SNTG2: variants seen among roughly 807,000 people sequenced by gnomAD.
The protein encoded by SNTG2 is syntrophin gamma 2, also known as gamma-2-syntrophin.
SNTG2 carries 74 observed loss-of-function variants against 70.9 expected under a neutral mutation model. The ratio of observed to expected loss-of-function variants is 1.04; its 90% CI spans 0.86 to 1.27. SNTG2 has a LOEUF of 1.27. SNTG2 is among the 50% of genes most tolerant of loss of function. The pLI, the probability that SNTG2 is intolerant of heterozygous loss-of-function variation, is 0.00. For missense variants in SNTG2, 717 were observed against 690.7 expected (o/e 1.04, Z -0.43); for synonymous variants, 278 against 273.8 (o/e 1.02, Z -0.15).
rs186486869 is a variant in SNTG2 at position 1,199,732 on chromosome 2, C to T, written c.592-9371C>T. Among the ~76,000 whole-genome samples the T allele has an allele frequency of 6.6e-3, 1,003 of 151,938 alleles. 8 individuals are homozygous for T. The highest frequency in any genetic ancestry group is 0.022 in the South Asian group (108 of 4,808). The stretch of plus-strand genomic sequence containing the variant: ...AGTATTTCTCAATACCAATAACAAA[C>T]CAGCTGAAAAATAAATCAAGACACC... On this transcript the variant is annotated intron_variant, in intron 8 of 16. Coordinates refer to ENST00000308624, the MANE Select transcript of SNTG2 (RefSeq NM_018968.4).
intron 1 of SNTG2, among the ~76,000 whole-genome samples, chr2:1,001,732 T>C (rs1396915864): frequency 1.3e-5 from 2 of 151,876 alleles, no homozygotes; most frequent in African/African-American, 4.8e-5. Context: ...CACCAAAATA[T>C]TAATATCATT....
intron 1 of SNTG2, among the ~76,000 whole-genome samples, chr2:1,038,544 C>T (rs1661259666): frequency 6.6e-6 from 1 of 152,200 alleles, no homozygotes; most frequent in South Asian, 2.1e-4. Context: ...CCAAATTAAC[C>T]TTTTCTGCCA....
chr2:1,188,049 C>A (rs1345559489), intron 8 of SNTG2, among the ~76,000 whole-genome samples: 1 of 152,204 alleles, frequency 6.6e-6, no homozygotes, highest in Non-Finnish European at 1.5e-5. Context: ...CTCTAACAAG[C>A]GTTAGCTTTA....
intron 1 of SNTG2, among the ~76,000 whole-genome samples, chr2:993,775 A>G (rs1483446822): frequency 6.6e-6 from 1 of 152,136 alleles, no homozygotes; most frequent in African/African-American, 2.4e-5. Flanking sequence ...ATGATTAATA[A>G]TGTTAAGTAT....
intron 8 of SNTG2, among the ~76,000 whole-genome samples, chr2:1,206,664 C>T (rs1350968972): frequency 4.6e-5 from 7 of 152,202 alleles, no homozygotes; most frequent in Admixed American, 1.3e-4. Context: ...AAGTGAAAAG[C>T]GTCCTATGAA....
At chr2:1,192,315 C>T (rs1672644664) in intron 8 of SNTG2, among the ~76,000 whole-genome samples, 1 of 152,112 alleles carries the variant, frequency 6.6e-6, no homozygotes, top group Non-Finnish European at 1.5e-5. Context: ...GCAGCGGGTG[C>T]CAAGATCATT....
chr2:1,222,107 C>CTCTGCCTATCTCTGTCTCTGTT (rs1553362302), intron 9 of SNTG2, among the ~76,000 whole-genome samples: 3 of 70,616 alleles, frequency 4.2e-5, no homozygotes, highest in Non-Finnish European at 8.9e-5. Context: ...CTCTCTCTGT[C>CTCTGCCTATCTCTGTCTCTGTT]TCTCTCTGTC....
At chr2:1,090,900 G>A (rs1050502470) in intron 2 of SNTG2, among the ~76,000 whole-genome samples, 10 of 152,100 alleles carry the variant, frequency 6.6e-5, no homozygotes, top group Non-Finnish European at 1.3e-4. Context: ...AGATCTTATC[G>A]GGAAGCTGCT....
At chr2:1,006,282 G>A (rs1347112381) in intron 1 of SNTG2, among the ~76,000 whole-genome samples, 2 of 150,862 alleles carry the variant, frequency 1.3e-5, no homozygotes, top group South Asian at 2.1e-4. Context: ...TGCACAATGT[G>A]CACATGTACC....
chr2:1,365,559 G>T (rs56166938), intron 16 of SNTG2, among the ~76,000 whole-genome samples: 109,499 of 151,808 alleles, frequency 0.72, 39,789 homozygotes, highest in East Asian at 0.94. Context: ...CTGTGTTGAA[G>T]TCCTCTTCCG....
intron 9 of SNTG2, among the ~76,000 whole-genome samples, chr2:1,211,253 T>C (rs1198129276): frequency 6.6e-6 from 1 of 152,216 alleles, no homozygotes; most frequent in Admixed American, 6.5e-5. Flanking sequence ...TGTATCTCTC[T>C]TGACAAAGAG....
intron 11 of SNTG2, among the ~76,000 whole-genome samples, chr2:1,241,302 T>G (rs906023569): frequency 2.6e-5 from 4 of 152,202 alleles, no homozygotes; most frequent in African/African-American, 9.6e-5. Context: ...AGACAGATCC[T>G]TGATGCTAAA....
Position 1,367,291 on chromosome 2 carries a change from A to G in SNTG2, c.1489-52A>G, listed in dbSNP as rs1573043399. On this transcript the variant is annotated intron_variant, in intron 16 of 16. Coordinates refer to ENST00000308624, the MANE Select transcript of SNTG2 (RefSeq NM_018968.4). ...CCAAACTTTGTTAAATATTTTTGTAACGTGTTCTTCCAACAATTATAATAA... is the reference window on the plus strand; with the variant it reads ...CCAAACTTTGTTAAATATTTTTGTAGCGTGTTCTTCCAACAATTATAATAA... The G allele has an allele frequency of 4.8e-6, 7 of 1,473,328 alleles. No individual in the cohort carries two copies. The Admixed American group carries it at 1.3e-4, about 28-fold the overall frequency. 91.3% of individuals were successfully genotyped at this position (1,473,328 alleles called of 1,614,324 possible). A position where few individuals can be genotyped will look rare whatever the true frequency, so the allele number is the denominator to read the frequency against.
intron 2 of SNTG2, among the ~76,000 whole-genome samples, chr2:1,084,247 G>A (rs1056022841): frequency 1.3e-5 from 2 of 152,150 alleles, no homozygotes; most frequent in Non-Finnish European, 2.9e-5. Context: ...GAAATAAAAT[G>A]AAGGGGGCAT....
At chr2:974,529 G>T (rs1231511062) in intron 1 of SNTG2, among the ~76,000 whole-genome samples, 2 of 152,202 alleles carry the variant, frequency 1.3e-5, no homozygotes, top group East Asian at 3.9e-4. Flanking sequence ...GTTTCCTTGG[G>T]TGTCCTCCCT....
intron 9 of SNTG2, among the ~76,000 whole-genome samples, chr2:1,224,550 A>C (rs1675634348): frequency 6.6e-6 from 1 of 151,870 alleles, no homozygotes; most frequent in Non-Finnish European, 1.5e-5. Flanking sequence ...CAGGCCCCTC[A>C]CCTGGAGTGT....
chr2:1,330,808 A>C (rs1006698818), intron 16 of SNTG2, among the ~76,000 whole-genome samples: 2 of 152,184 alleles, frequency 1.3e-5, no homozygotes, highest in African/African-American at 4.8e-5. Context: ...GGGTGTTGCC[A>C]ACGGGGTGCC....
At chr2:1,047,623 T>G (rs553727786) in intron 1 of SNTG2, among the ~76,000 whole-genome samples, 1 of 152,316 alleles carries the variant, frequency 6.6e-6, no homozygotes, top group South Asian at 2.1e-4. Context: ...CACATGGGAG[T>G]AAATTCTCAA....
intron 1 of SNTG2, among the ~76,000 whole-genome samples, chr2:996,548 A>G (rs999397712): frequency 2.0e-5 from 3 of 152,164 alleles, no homozygotes; most frequent in Non-Finnish European, 2.9e-5. Context: ...GTGTGTATCT[A>G]TATATCTACA....
Sources: allele counts gnomAD v4.1 joint callset (sites outside exome capture counted in the v4.1 genomes callset), GRCh38; gene constraint gnomAD v4.1.1; transcripts MANE v1.5; gene names NCBI Gene and HGNC (gene_info 2026-07-23, HGNC 2026-07-21).